The following ARHGAP26 variants were observed in gnomAD, a reference collection of about 807,000 sequenced individuals.
ARHGAP26 encodes the protein rho GTPase-activating protein 26.
ARHGAP26 carries 38 observed loss-of-function variants against 104.8 expected under a neutral mutation model. The ratio of observed to expected loss-of-function variants is 0.36; its 90% confidence interval spans 0.28 to 0.48. The LOEUF (loss-of-function observed/expected upper bound fraction) is 0.48, where lower values mean the gene tolerates loss of function less well. Ranked by LOEUF, ARHGAP26 falls within the 20% of genes least tolerant of loss-of-function variation. The pLI is 0.99. For missense variants in ARHGAP26, 704 were observed against 947.9 expected (o/e 0.74, Z 3.38); for synonymous variants, 341 against 340.0 (o/e 1.00, Z -0.03).
chr5:143,208,562 C>T (rs1417374600), intron 21 of ARHGAP26, among the ~76,000 whole-genome samples: 1 of 152,180 alleles, frequency 6.6e-6, no homozygotes, highest in Admixed American at 6.5e-5. Flanking sequence ...GAGAAATGGC[C>T]TGAACCCTAC....
At chr5:143,203,413 C>CATAAAAAAATCATTAAAAAATCATAAAA (rs1808083021) in intron 20 of ARHGAP26, 1 of 152,162 alleles carries the variant, frequency 6.6e-6, no homozygotes, top group Non-Finnish European at 1.5e-5. Context: ...ATTAAAAAGT[C>CATAAAAAAATCATTAAAAAATCATAAAA]AGGAAACAAC....
At chr5:143,058,543 T>C (rs1323700074) in intron 17 of ARHGAP26, among the ~76,000 whole-genome samples, 1 of 152,252 alleles carries the variant, frequency 6.6e-6, no homozygotes, top group Admixed American at 6.5e-5. Flanking sequence ...ATGTTCTTGA[T>C]TGCAGACTGG....
chr5:143,193,540 A>C (rs66608674), intron 20 of ARHGAP26, among the ~76,000 whole-genome samples: 2 of 151,892 alleles, frequency 1.3e-5, no homozygotes, highest in African/African-American at 4.8e-5. Flanking sequence ...GTGAGCCACC[A>C]TGCCCCGGCC....
intron 11 of ARHGAP26, among the ~76,000 whole-genome samples, chr5:143,007,100 C>G (rs1001261650): frequency 3.4e-5 from 5 of 147,312 alleles, no homozygotes; most frequent in Non-Finnish European, 1.5e-5. Context: ...GCTCAGGAGA[C>G]AGGTGAATCG....
chr5:143,080,746 G>A (rs1328265538), intron 17 of ARHGAP26, among the ~76,000 whole-genome samples: 1 of 152,180 alleles, frequency 6.6e-6, no homozygotes, highest in Non-Finnish European at 1.5e-5. Flanking sequence ...GTAATGGGGA[G>A]CCACTGGAGG....
chr5:143,208,188 A>G (rs894792717), intron 21 of ARHGAP26, among the ~76,000 whole-genome samples: 2 of 111,154 alleles, frequency 1.8e-5, no homozygotes, highest in African/African-American at 6.3e-5. Flanking sequence ...CTCTTTGGGA[A>G]AAAAAAAGAG....
intron 11 of ARHGAP26, among the ~76,000 whole-genome samples, chr5:142,974,816 C>T (rs1391324127): frequency 6.6e-6 from 1 of 152,176 alleles, no homozygotes; most frequent in Non-Finnish European, 1.5e-5. Context: ...ATAGTTTCCC[C>T]TTTTGTTCCT....
chr5:142,863,607 G>C (rs982536381), intron 1 of ARHGAP26, among the ~76,000 whole-genome samples: 6 of 152,112 alleles, frequency 3.9e-5, no homozygotes, highest in African/African-American at 1.2e-4. Context: ...TATGTTCCAG[G>C]CACGTGCTAG....
chr5:142,917,873 T>A (rs1762704021), intron 10 of ARHGAP26, among the ~76,000 whole-genome samples: 3 of 152,028 alleles, frequency 2.0e-5, no homozygotes, highest in South Asian at 4.1e-4. Flanking sequence ...TTTTTTTTTT[T>A]AATCCAGGAC....
intron 11 of ARHGAP26, among the ~76,000 whole-genome samples, chr5:142,945,242 T>C (rs1766932706): frequency 1.3e-5 from 2 of 152,252 alleles, no homozygotes; most frequent in African/African-American, 4.8e-5. Flanking sequence ...GATATGGGTC[T>C]CTGCCTGGCT....
chr5:143,179,348 G>A (rs561465266), intron 20 of ARHGAP26, among the ~76,000 whole-genome samples: 2 of 152,194 alleles, frequency 1.3e-5, no homozygotes, highest in Non-Finnish European at 2.9e-5. Flanking sequence ...AGCAAGAGAG[G>A]CAGCGAAGAG....
chr5:142,867,681 A>C (rs1458502531), intron 1 of ARHGAP26, among the ~76,000 whole-genome samples: 2 of 152,102 alleles, frequency 1.3e-5, no homozygotes, highest in African/African-American at 2.4e-5. Context: ...TCCTTGGTAT[A>C]GGTGAGGTTT....
chr5:142,931,882 T>G (rs1205067272), intron 10 of ARHGAP26, among the ~76,000 whole-genome samples, 165 bp from the exon 11 acceptor site: 1 of 152,206 alleles, frequency 6.6e-6, no homozygotes, highest in African/African-American at 2.4e-5. Context: ...GGGCCATCCT[T>G]TCTGAGAGTA....
chr5:142,988,475 T>C (rs1775104518), intron 11 of ARHGAP26, among the ~76,000 whole-genome samples: 1 of 152,174 alleles, frequency 6.6e-6, no homozygotes, highest in East Asian at 1.9e-4. Flanking sequence ...AAGGGTTTTT[T>C]GTGTCTCTGT....
chr5:142,903,177 C>T (rs373974950), intron 7 of ARHGAP26, among the ~76,000 whole-genome samples: 1 of 152,144 alleles, frequency 6.6e-6, no homozygotes, highest in African/African-American at 2.4e-5. Flanking sequence ...GAGAAATGAA[C>T]GCCTAGGTCC....
At chr5:143,003,152 C>T (rs1777425171) in intron 11 of ARHGAP26, among the ~76,000 whole-genome samples, 1 of 152,162 alleles carries the variant, frequency 6.6e-6, no homozygotes, top group Admixed American at 6.5e-5. Context: ...TTAGCCTGTG[C>T]CTAATTCACC....
At chr5:143,185,383 A>G (rs1804982038) in intron 20 of ARHGAP26, among the ~76,000 whole-genome samples, 1 of 152,194 alleles carries the variant, frequency 6.6e-6, no homozygotes, top group Non-Finnish European at 1.5e-5. Flanking sequence ...TTTTATAGCT[A>G]GAAACAACAA....
chr5:142,938,493 A>G (rs146056291), intron 11 of ARHGAP26, among the ~76,000 whole-genome samples: 1 of 152,362 alleles, frequency 6.6e-6, no homozygotes, highest in East Asian at 1.9e-4. Flanking sequence ...GGAAAATTTT[A>G]GAGACAGCAG....
chr5:143,180,042 C>T (rs569648046), intron 20 of ARHGAP26, among the ~76,000 whole-genome samples: 4 of 152,228 alleles, frequency 2.6e-5, no homozygotes, highest in Non-Finnish European at 5.9e-5. Flanking sequence ...CTGGACATCT[C>T]TCTGTCTCAA....
Sources: gnomAD v4.1 joint callset for allele counts (sites outside exome capture counted in the v4.1 genomes callset) on GRCh38, gnomAD v4.1.1 for gene constraint, MANE v1.5 for transcripts, NCBI Gene and HGNC (gene_info 2026-07-23, HGNC 2026-07-21) for gene names.